Variants in CNTN5 observed in about 807,000 individuals in gnomAD.
CNTN5 encodes contactin-5.
In CNTN5, 77 loss-of-function variants were observed where a neutral mutation model predicts 129.1. The ratio of observed to expected loss-of-function variants is 0.60; its 90% CI spans 0.50 to 0.72. The LOEUF (loss-of-function observed/expected upper bound fraction) is 0.72. CNTN5 is among the 30% of genes least tolerant of loss of function. CNTN5 has a pLI of 0.00. For missense variants in CNTN5, 1,478 were observed against 1,328.8 expected (o/e 1.11, Z -1.75); for synonymous variants, 509 against 465.6 (o/e 1.09, Z -1.20).
intron 1 of CNTN5, among the ~76,000 whole-genome samples, chr11:99,204,899 C>G (rs66626872): frequency 2.6e-4 from 40 of 152,112 alleles, no homozygotes; most frequent in Non-Finnish European, 5.0e-4. Context: ...TTGTGCTGAA[C>G]AGTTGTGCTT....
At chr11:100,222,400 C>G (rs1313588518) in intron 15 of CNTN5, among the ~76,000 whole-genome samples, 1 of 152,124 alleles carries the variant, frequency 6.6e-6, no homozygotes, top group Non-Finnish European at 1.5e-5. Context: ...TACATCTCTT[C>G]TTTATCTGAT....
intron 15 of CNTN5, among the ~76,000 whole-genome samples, chr11:100,210,336 C>T (rs951619542): frequency 9.7e-5 from 12 of 123,160 alleles, no homozygotes; most frequent in South Asian, 5.6e-4. Context: ...GGTGACAGGG[C>T]GAGACTATCT....
chr11:99,596,143 T>A (rs904807363), intron 3 of CNTN5, among the ~76,000 whole-genome samples: 1 of 152,160 alleles, frequency 6.6e-6, no homozygotes, highest in African/African-American at 2.4e-5. Context: ...TTTTGCAGGA[T>A]AGTCAAGAAG....
chr11:100,175,765 G>A (rs1032729711), intron 13 of CNTN5, among the ~76,000 whole-genome samples: 4 of 152,080 alleles, frequency 2.6e-5, no homozygotes, highest in Admixed American at 2.6e-4. Flanking sequence ...AACTCACACA[G>A]TGGTTAGAAG....
At chr11:99,373,659 G>A (rs1424952886) in intron 2 of CNTN5, among the ~76,000 whole-genome samples, 1 of 142,614 alleles carries the variant, frequency 7.0e-6, no homozygotes, top group African/African-American at 2.6e-5. Context: ...GTTGTAGTGA[G>A]CTGAGATAGC....
At chr11:100,179,652 T>G (rs1456740908) in intron 13 of CNTN5, among the ~76,000 whole-genome samples, 4 of 152,050 alleles carry the variant, frequency 2.6e-5, no homozygotes, top group Non-Finnish European at 5.9e-5. Flanking sequence ...CTGATAATAA[T>G]GAAACCTGCA....
At chr11:99,621,670 C>T (rs1056500381) in intron 3 of CNTN5, among the ~76,000 whole-genome samples, 1 of 152,102 alleles carries the variant, frequency 6.6e-6, no homozygotes, top group Non-Finnish European at 1.5e-5. Flanking sequence ...GGTAATAGAA[C>T]AACATATGAA....
At chr11:99,367,603 T>G (rs1269080951) in intron 2 of CNTN5, among the ~76,000 whole-genome samples, 1 of 152,152 alleles carries the variant, frequency 6.6e-6, no homozygotes, top group Non-Finnish European at 1.5e-5. Flanking sequence ...ATACTCATTG[T>G]TATCTGAGTA....
Position 100,224,761 on chromosome 11 carries a change from G to A in CNTN5, c.1954G>A (p.Val652Ile). ...GCATGCTGGGAGATATGGCTGCAGG[G>A]TACAGACCACAGCAGACAGTGTGTC... ...LMHAGRYGCR[V>I]QTTADSVSDE... Residue 652 changes from valine (V) to isoleucine (I), a missense_variant, in exon 16 of 25, where the codon GTA (valine) becomes ATA (isoleucine). Physicochemically the swap from Val to Ile is conservative, Grantham distance 29. Transcript: ENST00000524871. 2 of 1,613,230 alleles carry A rather than the reference G, an allele frequency of 1.2e-6. No homozygotes were observed. Among genetic ancestry groups the A allele is most frequent in the Non-Finnish European group, 8.5e-7 (1 of 1,179,330 alleles).
chr11:100,127,943 G>A (rs564337676), intron 13 of CNTN5, among the ~76,000 whole-genome samples: 1 of 152,152 alleles, frequency 6.6e-6, no homozygotes, highest in East Asian at 1.9e-4. Context: ...TTACAGGCAT[G>A]AGCCACCACA....
chr11:99,418,602 T>C (rs775920454), intron 2 of CNTN5, among the ~76,000 whole-genome samples: 7 of 152,208 alleles, frequency 4.6e-5, no homozygotes, highest in Non-Finnish European at 8.8e-5. Context: ...CAATGATTTC[T>C]GATTATTGAG....
intron 2 of CNTN5, among the ~76,000 whole-genome samples, chr11:99,427,778 A>G (rs1943194507): frequency 6.6e-6 from 1 of 151,058 alleles, no homozygotes; most frequent in African/African-American, 2.4e-5. Context: ...AAAAAAAAAA[A>G]AAAAAAAAAA....
intron 3 of CNTN5, among the ~76,000 whole-genome samples, chr11:99,595,181 GTA>G (rs1950088394): frequency 6.6e-6 from 1 of 152,090 alleles, no homozygotes; most frequent in Non-Finnish European, 1.5e-5. Context: ...ACAATGTACT[GTA>G]TATTTCAAGA....
At chr11:99,233,823 G>A (rs1861130622) in intron 1 of CNTN5, among the ~76,000 whole-genome samples, 1 of 152,106 alleles carries the variant, frequency 6.6e-6, no homozygotes, top group Admixed American at 6.5e-5. Flanking sequence ...GCAGGCACCT[G>A]TGGTCCCAGC....
intron 1 of CNTN5, among the ~76,000 whole-genome samples, chr11:99,250,371 G>A (rs935930394): frequency 7.9e-5 from 12 of 151,884 alleles, no homozygotes; most frequent in African/African-American, 2.9e-4. Context: ...AATGCCCAAT[G>A]TAATACCAGG....
chr11:99,853,426 T>C (rs1285288842), intron 6 of CNTN5, among the ~76,000 whole-genome samples: 1 of 151,586 alleles, frequency 6.6e-6, no homozygotes, highest in Non-Finnish European at 1.5e-5. Context: ...TGAGACGGAG[T>C]TTTACTCTTG....
intron 2 of CNTN5, among the ~76,000 whole-genome samples, chr11:99,343,941 A>G (rs1161038002): frequency 6.6e-6 from 1 of 152,234 alleles, no homozygotes; most frequent in Non-Finnish European, 1.5e-5. Flanking sequence ...ATAAAATGTC[A>G]TTTCAAGAAA....
In CNTN5 at chr11:99,523,751, C is replaced by T. The variant is rs569203458; in HGVS notation, c.-70-32394C>T. Among the ~76,000 whole-genome samples the T allele has an allele frequency of 3.3e-4, 50 of 152,050 alleles. 2 individuals are homozygous for T. The South Asian group carries it at 0.01, about 32-fold the overall frequency. On this transcript the variant is annotated intron_variant, in intron 2 of 24. Coordinates refer to ENST00000524871, the MANE Select transcript of CNTN5 (RefSeq NM_014361.4). ...GAATATGTGTTTGTTTTTGTATCCT[C>T]GGTTCCCACACTCCCCAGCACATAT...
intron 2 of CNTN5, among the ~76,000 whole-genome samples, chr11:99,404,223 G>T (rs761632387): frequency 6.7e-6 from 1 of 150,360 alleles, no homozygotes; most frequent in African/African-American, 2.4e-5. Context: ...TTTTTCATCC[G>T]TTTATTTTCA....
Sources: allele counts gnomAD v4.1 joint callset (sites outside exome capture counted in the v4.1 genomes callset), GRCh38; gene constraint gnomAD v4.1.1; transcripts MANE v1.5; gene names NCBI Gene and HGNC (gene_info 2026-07-23, HGNC 2026-07-21).